The following ZNF37A variants were observed in gnomAD, a reference collection of about 807,000 sequenced individuals.
ZNF37A encodes the protein zinc finger protein 37a (KOX 21).
Under a neutral mutation model 12.3 loss-of-function variants are expected in ZNF37A, and 10 were observed. That is an observed-to-expected ratio of 0.82 (90% CI 0.50 to 1.38). ZNF37A has a LOEUF of 1.38. ZNF37A is among the 40% of genes most tolerant of loss of function. The probability of loss-of-function intolerance (pLI) is 0.00; values close to 1 mark genes in which losing one functional copy is unlikely to be tolerated. For synonymous variants in ZNF37A, 207 were observed against 223.0 expected, an observed-to-expected ratio of 0.93 and a Z score of 0.64; for missense variants, 580 against 651.2, an observed-to-expected ratio of 0.89 and a Z score of 1.19.
chr10:38,124,664 A>C (rs1174689862), downstream of ZNF37A: 1 of 152,204 alleles, frequency 6.6e-6, no homozygotes, highest in African/African-American at 2.4e-5. Flanking sequence ...ATGTTTCTAT[A>C]AATTTAATAC....
At chr10:38,103,156 C>G (rs1435613624) in intron 5 of ZNF37A, among the ~76,000 whole-genome samples, 2 of 152,032 alleles carry the variant, frequency 1.3e-5, no homozygotes, top group Admixed American at 6.6e-5. Flanking sequence ...TCGTTAGTAA[C>G]TCTTGTTATT....
At chr10:38,104,035 T>C (rs2067816741) in intron 5 of ZNF37A, among the ~76,000 whole-genome samples, 1 of 152,224 alleles carries the variant, frequency 6.6e-6, no homozygotes, top group Non-Finnish European at 1.5e-5. Flanking sequence ...ATGCATATTG[T>C]CTTGGACTTA....
downstream of ZNF37A, among the ~76,000 whole-genome samples, chr10:38,128,455 G>C (rs1270678308): frequency 6.6e-6 from 1 of 152,080 alleles, no homozygotes; most frequent in Non-Finnish European, 1.5e-5. Context: ...CTCAGTCCTA[G>C]TACTTACTAG....
At chr10:38,107,673 A>G (rs1207238684) in intron 5 of ZNF37A, among the ~76,000 whole-genome samples, 1 of 152,240 alleles carries the variant, frequency 6.6e-6, no homozygotes, top group Non-Finnish European at 1.5e-5. Context: ...TTACCAAGCA[A>G]TTGGAAAGCA....
chr10:38,129,067 A>G (rs915487570), downstream of ZNF37A, among the ~76,000 whole-genome samples: 1 of 151,984 alleles, frequency 6.6e-6, no homozygotes, highest in African/African-American at 2.4e-5. Flanking sequence ...AATTCTTTAC[A>G]TAATGTTTCT....
chr10:38,104,653 A>G (rs904401282), intron 5 of ZNF37A, among the ~76,000 whole-genome samples: 30 of 152,048 alleles, frequency 2.0e-4, no homozygotes, highest in African/African-American at 6.8e-4. Context: ...TCCAAAGGAC[A>G]TTGTTCTTTC....
intron 5 of ZNF37A, among the ~76,000 whole-genome samples, chr10:38,113,205 A>ATTTTTTT (rs71007697): frequency 3.2e-4 from 24 of 75,846 alleles, no homozygotes; most frequent in East Asian, 4.4e-4. Context: ...TTAGTCTGTG[A>ATTTTTTT]TTTTTTTTTT....
At chr10:38,100,155 G>A (rs1365524810) in intron 5 of ZNF37A, among the ~76,000 whole-genome samples, 2 of 152,162 alleles carry the variant, frequency 1.3e-5, no homozygotes, top group Admixed American at 6.5e-5. Context: ...ATGCGAATAG[G>A]TGTGGGTCAC....
intron 5 of ZNF37A, among the ~76,000 whole-genome samples, chr10:38,107,992 A>G (rs1459957583): frequency 2.0e-5 from 3 of 152,194 alleles, no homozygotes; most frequent in African/African-American, 4.8e-5. Context: ...TCAGCTCTGG[A>G]CCAAGCAGAC....
chr10:38,121,133 T>C lies in ZNF37A; in HGVS notation c.*2296T>C, dbSNP rs1350189130. ...GAAATAATACCAGGCTTTTATAAAC[T>C]TTTCTAGAAGAAAAAAGATGGAACT... On this transcript the variant is annotated 3_prime_UTR_variant, in exon 8 of 8. Transcript: ENST00000685332. The C allele has an allele frequency of 6.6e-6, 1 of 152,060 alleles. No homozygotes were observed. The highest frequency in any genetic ancestry group is 1.5e-5 in the Non-Finnish European group (1 of 68,020). The allele number at this position is 152,060 out of a possible 1,614,324, so 9.4% of individuals were successfully genotyped here.
At chr10:38,112,790 CTTTTCTT>C (rs1226266374) in intron 5 of ZNF37A, among the ~76,000 whole-genome samples, 2 of 44,024 alleles carry the variant, frequency 4.5e-5, no homozygotes, top group Non-Finnish European at 1.0e-4. Flanking sequence ...CTTTTCTTTT[CTTTTCTT>C]GTCTTGTCTT....
At position 38,101,823 on chromosome 10, in the gene ZNF37A, C is replaced by CT. The variant is rs3041908; in HGVS notation, c.15+5208dup. ...CCAATTTCTTTTTCCTTTTATTTTT[C>CT]TTTTTTTTTTTTTTTTTGAGACAGA... On this transcript the variant is annotated intron_variant, in intron 5 of 7. Transcript: ENST00000685332. Among the ~76,000 whole-genome samples, 1,176 of 133,124 alleles carry CT rather than the reference C, an allele frequency of 8.8e-3. 17 individuals are homozygous for CT. The highest frequency in any genetic ancestry group is 0.01 in the Non-Finnish European group (638 of 62,608). 87.3% of individuals were successfully genotyped at this position (133,124 alleles called of 152,430 possible). A position where few individuals can be genotyped will look rare whatever the true frequency, so the allele number is the denominator to read the frequency against.
rs1422671607 is a variant in ZNF37A, at chr10:38,138,397, A to C, written c.239-8335A>C. 5 of 152,254 alleles carry C rather than the reference A, an allele frequency of 3.3e-5. No homozygotes were observed. The South Asian group carries it at 1.0e-3, about 31-fold the overall frequency. 9.4% of individuals were successfully genotyped at this position (152,254 alleles called of 1,614,324 possible). A position where few individuals can be genotyped will look rare whatever the true frequency, so the allele number is the denominator to read the frequency against. On this transcript the variant is annotated intron_variant, in intron 7 of 7. Coordinates refer to the ZNF37A transcript ENST00000638053. ...TTGCAGTGTTTGGTGGTATAAATGC[A>C]GCTAAAAGCATGAGTTAACAAAGTG... is the stretch of plus-strand genomic sequence containing the variant.
chr10:38,136,288 C>T (rs534047195), intron 7 of ZNF37A, among the ~76,000 whole-genome samples: 105 of 152,202 alleles, frequency 6.9e-4, no homozygotes, highest in Non-Finnish European at 1.2e-3. Context: ...GGATTATAGG[C>T]ACCTGCCACC....
chr10:38,115,327 G>A, intron 7 of ZNF37A, 37 bp downstream of exon 7: 1 of 1,601,904 alleles, frequency 6.2e-7, no homozygotes, highest in Non-Finnish European at 8.5e-7. Flanking sequence ...TTAAAGGAAG[G>A]TAGATCACAA....
Position 38,117,774 on chromosome 10 carries a change from A to C in ZNF37A, c.623A>C (p.Asn208Thr). The C allele has an allele frequency of 1.2e-6, 2 of 1,614,000 alleles. No individual in the cohort carries two copies. The highest frequency in any genetic ancestry group is 2.7e-5 in the African/African-American group (2 of 75,042). ...ENHYGNECGE[N>T]IFEESILLEH... ...CACTATGGTAATGAATGTGGAGAAA[A>C]TATCTTTGAGGAATCCATTCTCCTT... is the stretch of plus-strand genomic sequence containing the variant. The change falls in exon 8 of 8, where the codon AAT becomes ACT. Residue 208 changes from asparagine (N) to threonine (T), a missense_variant. Transcript: ENST00000685332.
In ZNF37A at chr10:38,120,621, T is replaced by C. The variant is rs763653025; in HGVS notation, c.*1784T>C. 2 of 151,706 alleles carry C rather than the reference T, an allele frequency of 1.3e-5. No individual in the cohort carries two copies. Among genetic ancestry groups the C allele is most frequent in the Non-Finnish European group, 2.9e-5 (2 of 67,972 alleles). The allele number at this position is 151,706 out of a possible 1,614,324, so 9.4% of individuals were successfully genotyped here. A position where few individuals can be genotyped will look rare whatever the true frequency, so the allele number is the denominator to read the frequency against. ...AGAAAGCACAAGCATAAAATGCAGC[T>C]CTGGGGGCCCTTTCCACTTCTGGCT... On this transcript the variant is annotated 3_prime_UTR_variant, in exon 8 of 8. Transcript: ENST00000685332.
chr10:38,109,500 G>T (rs891809629), intron 5 of ZNF37A, among the ~76,000 whole-genome samples: 5 of 152,118 alleles, frequency 3.3e-5, no homozygotes, highest in Admixed American at 6.6e-5. Context: ...AGGCATTCAG[G>T]CAAGAGAAAG....
chr10:38,140,847 G>A (rs2070172376), intron 7 of ZNF37A: 1 of 152,198 alleles, frequency 6.6e-6, no homozygotes, highest in Non-Finnish European at 1.5e-5. Context: ...AAAACACAAG[G>A]ATGTGGCATG....
Sources: allele counts gnomAD v4.1 joint callset (sites outside exome capture counted in the v4.1 genomes callset), GRCh38; gene constraint gnomAD v4.1.1; transcripts MANE v1.5; gene names NCBI Gene and HGNC (gene_info 2026-07-23, HGNC 2026-07-21).